STMN1: variants seen among roughly 807,000 people sequenced by gnomAD.
STMN1 encodes the protein stathmin.
STMN1 carries 3 observed loss-of-function variants against 19.7 expected under a neutral mutation model. The observed-to-expected ratio is 0.15, with a 90% CI of 0.07 to 0.39. The LOEUF (loss-of-function observed/expected upper bound fraction) is 0.39, where lower values mean the gene tolerates loss of function less well. Among genes scored for constraint, STMN1 ranks in the 10% least tolerant of loss-of-function variants. STMN1 has a pLI of 1.00. For synonymous variants in STMN1, 59 were observed against 58.9 expected (o/e 1.00, Z -0.01); for missense variants, 99 against 176.0 (o/e 0.56, Z 2.48).
intron 4 of STMN1, among the ~76,000 whole-genome samples, chr1:25,889,483 C>G (rs1472068516): frequency 1.3e-5 from 2 of 151,702 alleles, no homozygotes; most frequent in South Asian, 2.1e-4. Flanking sequence ...ATGGCACCCC[C>G]CTTCACTCAG....
Position 25,903,682 on chromosome 1 carries a change from C to T in STMN1, c.145G>A (p.Glu49Lys). The change falls in exon 3 of 5, where the codon GAA becomes AAA. Residue 49 changes from glutamate (E) to lysine (K), a missense_variant. Physicochemically the swap from Glu to Lys is moderately conservative, Grantham distance 56. Coordinates refer to ENST00000455785, the MANE Select transcript of STMN1 (RefSeq NM_005563.4). ...GCAGCTTCTAATTTCTTCTGAATTT[C>T]CTCCAGGGAAAGATCCTTCTTCTTT... ...PPKKKDLSLE[E>K]IQKKLEAAEE... 1 of 1,613,498 alleles carries T rather than the reference C, an allele frequency of 6.2e-7. No homozygotes were observed. Among genetic ancestry groups the T allele is most frequent in the Non-Finnish European group, 8.5e-7 (1 of 1,180,000 alleles).
intron 4 of STMN1, chr1:25,888,917 C>A: frequency 2.7e-6 from 1 of 365,538 alleles, no homozygotes; most frequent in Non-Finnish European, 5.4e-6. Context: ...AAACAATGGC[C>A]CCTCTCTCCC....
chr1:25,904,802 A>G lies in STMN1; in HGVS notation c.-62-64T>C, dbSNP rs2048918337. On this transcript the variant is annotated intron_variant, in intron 1 of 4. Coordinates refer to ENST00000455785, the MANE Select transcript of STMN1 (RefSeq NM_005563.4). ...GCCTTTCTATATGTCATCAACCCAA[A>G]AAAATCTCACATCACATCTACATAC... 4.6e-6 allele frequency: 6 copies of G among 1,316,088 alleles called. No individual in the cohort carries two copies. In the Admixed American group the frequency reaches 1.3e-4, roughly 29 times the overall value. 81.5% of individuals were successfully genotyped at this position (1,316,088 alleles called of 1,614,324 possible). A position where few individuals can be genotyped will look rare whatever the true frequency, so the allele number is the denominator to read the frequency against.
rs1365919684 is a variant in STMN1 at position 25,888,565 on chromosome 1, C to T, written c.379-2696G>A. Reference sequence around the variant, plus strand: ...CATCCTCCTTCCCTAGACCCACGTCCCTCCTCCAAAAATCTTGAACTCAAC... The same window carrying T: ...CATCCTCCTTCCCTAGACCCACGTCTCTCCTCCAAAAATCTTGAACTCAAC... On this transcript the variant is annotated intron_variant, in intron 4 of 4. Coordinates refer to the STMN1 transcript ENST00000426559. 2.0e-5 allele frequency among the ~76,000 whole-genome samples: 3 copies of T among 152,126 alleles called. No individual in the cohort carries two copies. In the East Asian group the frequency reaches 5.8e-4, roughly 29 times the overall value.
chr1:25,901,479 T>G lies in STMN1; in HGVS notation c.378+12A>C, dbSNP rs916142. On this transcript the variant is annotated intron_variant, in intron 4 of 4. Transcript: ENST00000455785. ...CTCCAAGCTCAACCCTTTTACAAAG[T>G]AAGAAACCAACCTTCTCTCGCAAAC... is the stretch of plus-strand genomic sequence containing the variant. 5.0e-6 allele frequency: 8 copies of G among 1,600,928 alleles called. No individual in the cohort carries two copies. Among genetic ancestry groups the G allele is most frequent in the Non-Finnish European group, 3.4e-6 (4 of 1,174,664 alleles).
At chr1:25,899,870 A>G (rs140406982), downstream of STMN1, among the ~76,000 whole-genome samples, 52 of 152,330 alleles carry the variant, frequency 3.4e-4, no homozygotes, top group African/African-American at 1.1e-3. Context: ...ATCTTTTGCT[A>G]TAAGTGCTTG....
rs763117641 is a variant in STMN1 at position 25,903,645 on chromosome 1, C to T, written c.182G>A (p.Arg61His). Residue 61 changes from arginine (R) to histidine (H), a missense_variant, in exon 3 of 5, where the codon CGC becomes CAC. This residue lies in a region of STMN1 where 8 missense variants were observed against 38.7 expected (regional missense o/e 0.21). Transcript: ENST00000455785. ...TCTGTGAATTGCTTCGTTTACCTTG[C>T]GTCTTTCTTCTGCAGCTTCTAATTT... Reference protein sequence around the residue: ...QKKLEAAEERRKSHEAEVLKQ... With the variant: ...QKKLEAAEERHKSHEAEVLKQ... 1 of 1,611,990 alleles carries T rather than the reference C, an allele frequency of 6.2e-7. No homozygotes were observed.
At chr1:25,895,693 A>T (rs1384052026), downstream of STMN1, among the ~76,000 whole-genome samples, 1 of 152,210 alleles carries the variant, frequency 6.6e-6, no homozygotes, top group Non-Finnish European at 1.5e-5. Context: ...AGATTTTCAC[A>T]TGGAATTGTC....
intron 4 of STMN1, chr1:25,892,435 A>C: frequency 1.9e-6 from 1 of 534,054 alleles, no homozygotes; most frequent in Non-Finnish European, 2.4e-6. Context: ...CTGCCTAGGA[A>C]TTAAAAGGCC....
downstream of STMN1, among the ~76,000 whole-genome samples, chr1:25,897,311 G>GAAAAAA (rs745773752): frequency 1.0e-3 from 97 of 94,140 alleles, 1 homozygote; most frequent in African/African-American, 3.1e-3. Context: ...AGACTGTCTC[G>GAAAAAA]AAAAAAAAAA....
At chr1:25,885,957 A>G (rs1353220601) in intron 4 of STMN1, 7 of 1,415,154 alleles carry the variant, frequency 4.9e-6, no homozygotes, top group Admixed American at 3.0e-5. Flanking sequence ...GGGCTAAAAC[A>G]GTGGTTCTCA....
chr1:25,901,167 C>G (rs987376886), intron 4 of STMN1, 80 bp from the exon 5 acceptor site: 11 of 1,565,516 alleles, frequency 7.0e-6, no homozygotes, highest in South Asian at 3.6e-5. Flanking sequence ...CCCCAGCCCC[C>G]ACCTCAAAGA....
chr1:25,904,571 CA>C (rs1225495774), intron 2 of STMN1, 92 bp downstream of exon 2: 2 of 1,179,432 alleles, frequency 1.7e-6, no homozygotes, highest in Admixed American at 4.0e-5. Context: ...AAGACCAAAA[CA>C]TAAGTGCCAA....
At chr1:25,904,526 T>A in intron 2 of STMN1, 138 bp downstream of exon 2, 1 of 720,882 alleles carries the variant, frequency 1.4e-6, no homozygotes, top group Non-Finnish European at 2.4e-6. Context: ...TAATCATTTT[T>A]AAATTCTTCT....
intron 4 of STMN1, 92 bp from the exon 5 acceptor site, chr1:25,901,179 G>A: frequency 1.3e-6 from 2 of 1,551,796 alleles, no homozygotes. Context: ...CCTCAAAGAG[G>A]CCCAACACAA....
chr1:25,899,491 A>G (rs1203192817), downstream of STMN1, among the ~76,000 whole-genome samples: 1 of 152,226 alleles, frequency 6.6e-6, no homozygotes, highest in Non-Finnish European at 1.5e-5. Context: ...TTTGCCCTAC[A>G]TGGGCGTAAC....
chr1:25,906,614 G>C (rs898946838), upstream of STMN1: 2 of 152,272 alleles, frequency 1.3e-5, no homozygotes, highest in Non-Finnish European at 2.9e-5. The surrounding 1 kb of genome is among the most constrained non-coding windows in gnomAD (Gnocchi z 4.5). Flanking sequence ...GGACAATGCC[G>C]GGGGTTGCAG....
chr1:25,892,290 G>C (rs1258576997), intron 4 of STMN1, among the ~76,000 whole-genome samples: 1 of 152,176 alleles, frequency 6.6e-6, no homozygotes, highest in Non-Finnish European at 1.5e-5. Context: ...TTGGGAGGCT[G>C]AGGCAGAAGA....
Position 25,900,194 on chromosome 1 carries a change from A to G in STMN1, c.*822T>C, listed in dbSNP as rs1205286476. The stretch of plus-strand genomic sequence containing the variant: ...TTTTATGGCAGGAAAGGATGAGGAC[A>G]TGCCCCACCTGTAACGTAGAGCAAG... On this transcript the variant is annotated 3_prime_UTR_variant, in exon 5 of 5. Transcript: ENST00000455785. The G allele has an allele frequency of 1.0e-6, 1 of 985,778 alleles. No homozygotes were observed. The highest frequency in any genetic ancestry group is 1.7e-5 in the African/African-American group (1 of 57,236). The allele number at this position is 985,778 out of a possible 1,614,324, so 61.1% of individuals were successfully genotyped here.
Sources: gnomAD v4.1 joint callset for allele counts (sites outside exome capture counted in the v4.1 genomes callset) on GRCh38, gnomAD v4.1.1 for gene constraint, gnomAD v4.1.1 regional missense constraint, Gnocchi (gnomAD v3.1) non-coding constraint, MANE v1.5 for transcripts, NCBI Gene and HGNC (gene_info 2026-07-23, HGNC 2026-07-21) for gene names.